The following AKAP6 variants were observed in gnomAD, a reference collection of about 807,000 sequenced individuals.
AKAP6 encodes A-kinase anchor protein 6.
In AKAP6, 58 loss-of-function variants were observed where a neutral mutation model predicts 188.5. The ratio of observed to expected loss-of-function variants is 0.31; its 90% CI spans 0.25 to 0.38. The LOEUF (loss-of-function observed/expected upper bound fraction) is 0.38. AKAP6 is among the 10% of genes least tolerant of loss of function. The pLI, the probability that AKAP6 is intolerant of heterozygous loss-of-function variation, is 1.00. For synonymous variants in AKAP6, 989 were observed against 998.6 expected, an observed-to-expected ratio of 0.99 and a Z score of 0.18; for missense variants, 2,710 against 2,740.0, an observed-to-expected ratio of 0.99 and a Z score of 0.24.
chr14:32,410,043 C>A (rs910018995), intron 1 of AKAP6, among the ~76,000 whole-genome samples: 1 of 152,080 alleles, frequency 6.6e-6, no homozygotes, highest in Non-Finnish European at 1.5e-5. Flanking sequence ...GGAAGGAAAT[C>A]AAAATGTTTT....
chr14:32,789,340 C>T (rs2033534478), intron 12 of AKAP6, among the ~76,000 whole-genome samples: 1 of 152,234 alleles, frequency 6.6e-6, no homozygotes, highest in Non-Finnish European at 1.5e-5. Flanking sequence ...GGAAGGGTCT[C>T]TCCCAACGCA....
intron 7 of AKAP6, among the ~76,000 whole-genome samples, chr14:32,648,155 T>G (rs1888060148): frequency 6.6e-6 from 1 of 152,126 alleles, no homozygotes; most frequent in African/African-American, 2.4e-5. Flanking sequence ...AGCTATGCAT[T>G]AAGTCCCACA....
intron 4 of AKAP6, among the ~76,000 whole-genome samples, chr14:32,558,080 G>A (rs1160604003): frequency 6.6e-6 from 1 of 152,082 alleles, no homozygotes; most frequent in African/African-American, 2.4e-5. Flanking sequence ...AGAAAACTAG[G>A]ATTTAGTTAA....
intron 1 of AKAP6, among the ~76,000 whole-genome samples, chr14:32,427,392 C>G (rs1890070877): frequency 6.6e-6 from 1 of 152,136 alleles, no homozygotes; most frequent in Non-Finnish European, 1.5e-5. Context: ...AACTTTTTCC[C>G]TAAGTACAGA....
At chr14:32,366,104 T>G (rs1014444316) in intron 1 of AKAP6, among the ~76,000 whole-genome samples, 3 of 152,050 alleles carry the variant, frequency 2.0e-5, no homozygotes, top group Non-Finnish European at 2.9e-5. Flanking sequence ...AGCAATCCAT[T>G]GTCCCTACCC....
chr14:32,548,613 A>G (rs867689511), intron 4 of AKAP6, among the ~76,000 whole-genome samples: 1 of 152,164 alleles, frequency 6.6e-6, no homozygotes, highest in Non-Finnish European at 1.5e-5. Flanking sequence ...GTAGCTAGAT[A>G]GAGACAAACA....
rs1355566288 is a variant in AKAP6, at chr14:32,835,784, A to G, written c.*5979A>G. The stretch of plus-strand genomic sequence containing the variant: ...CTTTTCTTTCTTAAATTCACCTTTG[A>G]TAGCACTGCCACACTTCTGGGAAGG... On this transcript the variant is annotated 3_prime_UTR_variant, in exon 14 of 14. Transcript: ENST00000280979. The G allele has an allele frequency of 6.6e-6, 1 of 152,248 alleles. No homozygotes were observed. Among genetic ancestry groups the G allele is most frequent in the African/African-American group, 2.4e-5 (1 of 41,454 alleles). 9.4% of individuals were successfully genotyped at this position (152,248 alleles called of 1,614,324 possible). A position where few individuals can be genotyped will look rare whatever the true frequency, so the allele number is the denominator to read the frequency against.
chr14:32,645,959 A>C (rs1156780693), intron 7 of AKAP6, among the ~76,000 whole-genome samples: 1 of 152,174 alleles, frequency 6.6e-6, no homozygotes, highest in African/African-American at 2.4e-5. Context: ...TTGCTAATGA[A>C]ACAAGATTGG....
intron 4 of AKAP6, among the ~76,000 whole-genome samples, chr14:32,556,708 T>C (rs917245704): frequency 6.6e-6 from 1 of 152,232 alleles, no homozygotes; most frequent in African/African-American, 2.4e-5. Flanking sequence ...TTCTGTAGCC[T>C]ATTTACTCTG....
At chr14:32,421,840 A>G (rs1313380742) in intron 1 of AKAP6, among the ~76,000 whole-genome samples, 2 of 152,192 alleles carry the variant, frequency 1.3e-5, no homozygotes, top group Non-Finnish European at 2.9e-5. Flanking sequence ...GGGAACCTCT[A>G]GTCTCTCGAC....
chr14:32,530,457 G>A (rs1882361161), intron 2 of AKAP6, among the ~76,000 whole-genome samples: 1 of 152,118 alleles, frequency 6.6e-6, no homozygotes, highest in East Asian at 1.9e-4. Flanking sequence ...TTGCTGGGAG[G>A]GCAGACTTCC....
chr14:32,466,649 G>A (rs1038150516), intron 2 of AKAP6, among the ~76,000 whole-genome samples: 2 of 150,372 alleles, frequency 1.3e-5, no homozygotes, highest in South Asian at 2.1e-4. Flanking sequence ...CCTAGATGAC[G>A]GGTTGATACA....
At chr14:32,606,377 C>T (rs1886126393) in intron 7 of AKAP6, among the ~76,000 whole-genome samples, 1 of 152,098 alleles carries the variant, frequency 6.6e-6, no homozygotes, top group Non-Finnish European at 1.5e-5. Context: ...AAGAAAGCAT[C>T]TTTAAATTTT....
chr14:32,341,750 G>A (rs1886896477), intron 1 of AKAP6, among the ~76,000 whole-genome samples: 6 of 152,202 alleles, frequency 3.9e-5, no homozygotes, highest in Non-Finnish European at 1.5e-5. Flanking sequence ...CAGGCTGGAT[G>A]TGGTGGCTCA....
At chr14:32,339,959 C>T (rs1886838455) in intron 1 of AKAP6, among the ~76,000 whole-genome samples, 1 of 150,736 alleles carries the variant, frequency 6.6e-6, no homozygotes, top group African/African-American at 2.4e-5. Context: ...ATTTATTTCT[C>T]AGGGAGCAGG....
chr14:32,732,654 G>A, intron 10 of AKAP6, 54 bp downstream of exon 10: 2 of 1,581,038 alleles, frequency 1.3e-6, no homozygotes, highest in Non-Finnish European at 1.7e-6. Flanking sequence ...TTTGCGTAGT[G>A]AAGTACTCTG....
chr14:32,525,798 G>A (rs911013782), intron 2 of AKAP6, among the ~76,000 whole-genome samples: 2 of 152,072 alleles, frequency 1.3e-5, no homozygotes, highest in Admixed American at 1.3e-4. Flanking sequence ...TAACAGTGTG[G>A]CATTATAGAT....
At chr14:32,529,784 T>C (rs1566557969) in intron 2 of AKAP6, among the ~76,000 whole-genome samples, 1 of 152,092 alleles carries the variant, frequency 6.6e-6, no homozygotes, top group Non-Finnish European at 1.5e-5. Context: ...AATAGGAAGA[T>C]TTTTTGTATA....
chr14:32,737,871 T>C (rs2031499965), intron 11 of AKAP6, among the ~76,000 whole-genome samples: 2 of 152,156 alleles, frequency 1.3e-5, no homozygotes, highest in Admixed American at 6.6e-5. Context: ...TTCCTTCTAA[T>C]AGATTGGTCT....
Sources: allele counts gnomAD v4.1 joint callset (sites outside exome capture counted in the v4.1 genomes callset), GRCh38; gene constraint gnomAD v4.1.1; transcripts MANE v1.5; gene names NCBI Gene and HGNC (gene_info 2026-07-23, HGNC 2026-07-21).